Variants in LRRTM4 observed in about 807,000 individuals in gnomAD.
LRRTM4 encodes leucine-rich repeat transmembrane neuronal protein 4.
A neutral mutation model predicts 47.6 loss-of-function variants in LRRTM4; 25 were observed. That is an observed-to-expected ratio of 0.53 (90% CI 0.38 to 0.73). The LOEUF (loss-of-function observed/expected upper bound fraction) is 0.73. Ranked by LOEUF, LRRTM4 falls within the 30% of genes least tolerant of loss-of-function variation. The probability of loss-of-function intolerance (pLI) is 0.00; values close to 1 mark genes in which losing one functional copy is unlikely to be tolerated. For missense variants in LRRTM4, 638 were observed against 713.4 expected, an observed-to-expected ratio of 0.89 and a Z score of 1.20; for synonymous variants, 311 against 269.5, an observed-to-expected ratio of 1.15 and a Z score of -1.51.
At chr2:77,081,406 A>T (rs947660365) in intron 3 of LRRTM4, among the ~76,000 whole-genome samples, 1 of 152,158 alleles carries the variant, frequency 6.6e-6, no homozygotes, top group Non-Finnish European at 1.5e-5. Context: ...TGTTCACATT[A>T]TACAAATCAT....
chr2:76,979,088 T>A (rs1038143265), intron 3 of LRRTM4, among the ~76,000 whole-genome samples: 2 of 152,004 alleles, frequency 1.3e-5, no homozygotes, highest in African/African-American at 4.8e-5. Context: ...TCAATGAGGA[T>A]ACCTTGCCCA....
chr2:76,866,145 C>A (rs958179572), intron 3 of LRRTM4, among the ~76,000 whole-genome samples: 1 of 152,086 alleles, frequency 6.6e-6, no homozygotes, highest in Non-Finnish European at 1.5e-5. Flanking sequence ...TCTCTTCCCA[C>A]AGAAAAACAC....
At chr2:77,363,098 T>C (rs1219684450) in intron 3 of LRRTM4, among the ~76,000 whole-genome samples, 1 of 152,170 alleles carries the variant, frequency 6.6e-6, no homozygotes, top group African/African-American at 2.4e-5. Context: ...AAGGTGAGGA[T>C]TGGAAGCCAG....
At chr2:77,094,017 A>ACC (rs1670737073) in intron 3 of LRRTM4, among the ~76,000 whole-genome samples, 1 of 150,942 alleles carries the variant, frequency 6.6e-6, no homozygotes, top group African/African-American at 2.5e-5. Context: ...CCCTTCGCTG[A>ACC]CTCTTTTCGG....
At chr2:77,423,256 G>C (rs888802582) in intron 3 of LRRTM4, among the ~76,000 whole-genome samples, 5 of 151,742 alleles carry the variant, frequency 3.3e-5, no homozygotes, top group Admixed American at 1.3e-4. Flanking sequence ...CTTTTTGCAT[G>C]TAATTTTTTT....
intron 3 of LRRTM4, among the ~76,000 whole-genome samples, chr2:77,160,066 T>C (rs1345789800): frequency 6.6e-6 from 1 of 152,172 alleles, no homozygotes; most frequent in Non-Finnish European, 1.5e-5. Flanking sequence ...CACTCTTGAA[T>C]TTCTCCAAGA....
intron 3 of LRRTM4, among the ~76,000 whole-genome samples, chr2:77,163,618 A>T (rs1398099611): frequency 6.6e-6 from 1 of 152,252 alleles, no homozygotes; most frequent in Non-Finnish European, 1.5e-5. Context: ...TCAGACTAAC[A>T]GCGGATCTGT....
intron 3 of LRRTM4, among the ~76,000 whole-genome samples, chr2:76,762,932 A>G (rs918468531): frequency 2.6e-5 from 4 of 152,208 alleles, no homozygotes; most frequent in Non-Finnish European, 2.9e-5. Context: ...TTTCACTTCT[A>G]TCCCCTTGAT....
intron 3 of LRRTM4, among the ~76,000 whole-genome samples, chr2:77,017,904 A>T (rs1678125059): frequency 7.2e-6 from 1 of 137,962 alleles, no homozygotes; most frequent in Non-Finnish European, 1.6e-5. Flanking sequence ...TCTTTCTTTA[A>T]AACAGGAAGT....
chr2:77,090,808 TCTGA>T (rs1474505449), intron 3 of LRRTM4, among the ~76,000 whole-genome samples: 1 of 152,196 alleles, frequency 6.6e-6, no homozygotes, highest in Non-Finnish European at 1.5e-5. Context: ...CCCAAGGCTC[TCTGA>T]CTGACTCCTC....
intron 3 of LRRTM4, among the ~76,000 whole-genome samples, chr2:77,391,895 A>T (rs1673518165): frequency 6.6e-6 from 1 of 151,902 alleles, no homozygotes; most frequent in Admixed American, 6.6e-5. Flanking sequence ...TAGGATACCA[A>T]CTCCAGCCTG....
intron 3 of LRRTM4, among the ~76,000 whole-genome samples, chr2:77,513,771 G>A (rs769112442): frequency 1.1e-4 from 17 of 151,802 alleles, no homozygotes; most frequent in African/African-American, 3.1e-4. Context: ...TCACCATGTT[G>A]GTCAGACTGG....
At chr2:77,320,310 C>G (rs925036851) in intron 3 of LRRTM4, among the ~76,000 whole-genome samples, 2 of 152,108 alleles carry the variant, frequency 1.3e-5, no homozygotes, top group Non-Finnish European at 2.9e-5. Context: ...CTGGTACATA[C>G]GAGTTATGAG....
Position 77,217,368 on chromosome 2 carries a change from T to C in LRRTM4, c.1551+300950A>G, listed in dbSNP as rs1224343096. Reference sequence around the variant, plus strand: ...TAATTATATTAATTAATTATATTAATTTATTAATTTAATTATATTAATTAA... The same window carrying C: ...TAATTATATTAATTAATTATATTAACTTATTAATTTAATTATATTAATTAA... On this transcript the variant is annotated intron_variant, in intron 3 of 3. Transcript: ENST00000409884. Among the ~76,000 whole-genome samples the C allele has an allele frequency of 2.2e-4, 4 of 17,966 alleles. No homozygotes were observed. In the East Asian group the frequency reaches 5.6e-3, roughly 25 times the overall value. The allele number at this position is 17,966 out of a possible 152,430, so 11.8% of individuals were successfully genotyped here.
At chr2:77,130,903 T>C (rs1337656839) in intron 3 of LRRTM4, among the ~76,000 whole-genome samples, 50 of 119,720 alleles carry the variant, frequency 4.2e-4, no homozygotes, top group African/African-American at 1.4e-3. Context: ...GGCGGGATCT[T>C]GGCTCACTGC....
At chr2:76,824,342 C>T (rs1294651287) in intron 3 of LRRTM4, among the ~76,000 whole-genome samples, 1 of 151,522 alleles carries the variant, frequency 6.6e-6, no homozygotes, top group Non-Finnish European at 1.5e-5. Flanking sequence ...GAATGGAATA[C>T]AATTTTTAAC....
chr2:76,856,761 G>A (rs1399554214), intron 3 of LRRTM4, among the ~76,000 whole-genome samples: 1 of 151,772 alleles, frequency 6.6e-6, no homozygotes, highest in African/African-American at 2.4e-5. Flanking sequence ...TATGTGCTAT[G>A]AACCTGTATG....
intron 3 of LRRTM4, among the ~76,000 whole-genome samples, chr2:77,033,614 CTTAGT>C (rs538260891): frequency 1.8e-4 from 28 of 151,926 alleles, no homozygotes; most frequent in African/African-American, 5.8e-4. Flanking sequence ...CCTTGGGGCT[CTTAGT>C]TTAGATTATA....
intron 3 of LRRTM4, among the ~76,000 whole-genome samples, chr2:77,030,737 T>A (rs2104137131): frequency 6.6e-6 from 1 of 152,360 alleles, no homozygotes; most frequent in South Asian, 2.1e-4. Flanking sequence ...CATTATTTCC[T>A]TCCAGTAATA....
Sources: allele counts gnomAD v4.1 joint callset (sites outside exome capture counted in the v4.1 genomes callset), GRCh38; gene constraint gnomAD v4.1.1; transcripts MANE v1.5; gene names NCBI Gene and HGNC (gene_info 2026-07-23, HGNC 2026-07-21).